Variants in PTPRM observed in about 807,000 individuals in gnomAD.
The protein encoded by PTPRM is receptor-type tyrosine-protein phosphatase mu.
PTPRM carries 47 observed loss-of-function variants against 186.7 expected under a neutral mutation model. That is an observed-to-expected ratio of 0.25 (90% CI 0.20 to 0.32). The LOEUF is 0.32. Ranked by LOEUF, PTPRM falls within the 10% of genes least tolerant of loss-of-function variation. The pLI, the probability that PTPRM is intolerant of heterozygous loss-of-function variation, is 1.00. For missense variants in PTPRM, 1,494 were observed against 1,865.0 expected (o/e 0.80, Z 3.66); for synonymous variants, 668 against 674.9 (o/e 0.99, Z 0.16).
At chr18:8,295,062 C>T (rs73939419) in intron 19 of PTPRM, among the ~76,000 whole-genome samples, 2,043 of 152,286 alleles carry the variant, frequency 0.013, 37 homozygotes, top group African/African-American at 0.047. Flanking sequence ...GAACACATAG[C>T]TCCCACTCTC....
chr18:8,020,858 G>A (rs1442398679), intron 7 of PTPRM, among the ~76,000 whole-genome samples: 6 of 152,120 alleles, frequency 3.9e-5, no homozygotes, highest in South Asian at 4.2e-4. Context: ...GAACCTGAAC[G>A]TGCTCAGTGA....
At chr18:7,634,415 C>T (rs998835862) in intron 1 of PTPRM, among the ~76,000 whole-genome samples, 2 of 152,196 alleles carry the variant, frequency 1.3e-5, no homozygotes, top group African/African-American at 4.8e-5. Context: ...TGTATACTCA[C>T]AGGAACCCTA....
chr18:7,888,754 TA>T (rs1057419406), intron 3 of PTPRM, among the ~76,000 whole-genome samples: 2 of 151,968 alleles, frequency 1.3e-5, no homozygotes, highest in East Asian at 1.9e-4. Flanking sequence ...TGGACTGGAT[TA>T]AAAAAAACAT....
At chr18:7,695,237 C>T (rs183785928) in intron 1 of PTPRM, among the ~76,000 whole-genome samples, 2 of 152,244 alleles carry the variant, frequency 1.3e-5, no homozygotes, top group South Asian at 2.1e-4. Context: ...AGTCCCAGGT[C>T]GTTTATATTC....
At position 7,980,090 on chromosome 18, in the gene PTPRM, C is replaced by T. The variant is rs563507868; in HGVS notation, c.1132+24676C>T. The stretch of plus-strand genomic sequence containing the variant: ...CCTCCCCCTTGGCCGTGCCTGTCTT[C>T]GCAGCCCCACAAAATATTTTTTTCT... On this transcript the variant is annotated intron_variant, in intron 7 of 32. Coordinates refer to ENST00000580170, the MANE Select transcript of PTPRM (RefSeq NM_001105244.2). 2.3e-4 allele frequency among the ~76,000 whole-genome samples: 35 copies of T among 149,736 alleles called. No homozygotes were observed. The South Asian group carries it at 3.3e-3, about 14-fold the overall frequency.
chr18:8,007,815 A>C (rs1386020741), intron 7 of PTPRM, among the ~76,000 whole-genome samples: 1 of 152,218 alleles, frequency 6.6e-6, no homozygotes, highest in East Asian at 1.9e-4. Context: ...CATTGGATAG[A>C]AAACTATATG....
At chr18:7,612,123 A>G (rs903482612) in intron 1 of PTPRM, among the ~76,000 whole-genome samples, 5 of 151,852 alleles carry the variant, frequency 3.3e-5, no homozygotes, top group African/African-American at 1.2e-4. Context: ...GCTTTGTCTC[A>G]TTTTTCAGAA....
chr18:7,947,135 T>G (rs574825010), intron 5 of PTPRM, among the ~76,000 whole-genome samples: 1 of 152,246 alleles, frequency 6.6e-6, no homozygotes, highest in African/African-American at 2.4e-5. Flanking sequence ...GGTTTATCAG[T>G]AATAAAGGTG....
chr18:7,802,434 G>A (rs1487160210), intron 2 of PTPRM, among the ~76,000 whole-genome samples: 3 of 152,150 alleles, frequency 2.0e-5, no homozygotes, highest in African/African-American at 7.2e-5. Context: ...CAGAGGGTTG[G>A]ATGGGGTTTG....
chr18:7,767,605 GAAAT>G (rs918699820), intron 1 of PTPRM, among the ~76,000 whole-genome samples: 11 of 151,898 alleles, frequency 7.2e-5, no homozygotes, highest in Admixed American at 2.0e-4. Context: ...CTGTTCCAAA[GAAAT>G]AAAAAAGATA....
intron 7 of PTPRM, among the ~76,000 whole-genome samples, chr18:8,049,582 A>G (rs1568250107): frequency 6.6e-6 from 1 of 152,188 alleles, no homozygotes; most frequent in Non-Finnish European, 1.5e-5. Flanking sequence ...CAGGATAAAG[A>G]TTCATGTTAA....
At chr18:8,159,980 T>C (rs1234382693) in intron 14 of PTPRM, among the ~76,000 whole-genome samples, 1 of 152,068 alleles carries the variant, frequency 6.6e-6, no homozygotes, top group Non-Finnish European at 1.5e-5. Context: ...TTGTTAAAGT[T>C]TGAATAATAA....
intron 7 of PTPRM, among the ~76,000 whole-genome samples, chr18:8,001,234 A>G (rs1012049957): frequency 2.0e-5 from 3 of 152,154 alleles, no homozygotes; most frequent in East Asian, 1.9e-4. Context: ...GGGCTGGCAC[A>G]TTTCTTTCCT....
intron 1 of PTPRM, among the ~76,000 whole-genome samples, chr18:7,721,609 A>G (rs1422685277): frequency 6.6e-6 from 1 of 152,092 alleles, no homozygotes; most frequent in Non-Finnish European, 1.5e-5. Flanking sequence ...ATACATTTTG[A>G]GTTAATTTTT....
At chr18:8,376,308 C>T (rs1440560129) in intron 25 of PTPRM, 108 bp downstream of exon 25, 61 of 1,534,282 alleles carry the variant, frequency 4.0e-5, no homozygotes, top group Non-Finnish European at 5.2e-5. Flanking sequence ...GTGATGATTG[C>T]ACAACATTTT....
At chr18:7,580,755 C>T (rs74729154) in intron 1 of PTPRM, among the ~76,000 whole-genome samples, 6,053 of 152,214 alleles carry the variant, frequency 0.04, 142 homozygotes, top group South Asian at 0.085. Context: ...GTCATCCGAA[C>T]GTGGGGTACA....
intron 7 of PTPRM, among the ~76,000 whole-genome samples, chr18:8,011,651 G>A (rs1568180878): frequency 6.6e-6 from 1 of 152,186 alleles, no homozygotes; most frequent in Non-Finnish European, 1.5e-5. Context: ...GCTTTCCAAT[G>A]CAAAGGCAGA....
At chr18:7,704,464 G>T (rs2040032042) in intron 1 of PTPRM, among the ~76,000 whole-genome samples, 1 of 152,126 alleles carries the variant, frequency 6.6e-6, no homozygotes, top group Admixed American at 6.5e-5. Context: ...TTGCGTAGAG[G>T]TGTTTATAAT....
intron 1 of PTPRM, among the ~76,000 whole-genome samples, chr18:7,626,194 G>A (rs545554216): frequency 1.3e-5 from 2 of 152,186 alleles, no homozygotes; most frequent in Non-Finnish European, 2.9e-5. Flanking sequence ...TTCATTCTAG[G>A]CTTGCTTTTA....
Sources: gnomAD v4.1 joint callset for allele counts (sites outside exome capture counted in the v4.1 genomes callset) on GRCh38, gnomAD v4.1.1 for gene constraint, MANE v1.5 for transcripts, NCBI Gene and HGNC (gene_info 2026-07-23, HGNC 2026-07-21) for gene names.